Variants in ROCK2 observed in about 807,000 individuals in gnomAD.
ROCK2 encodes Rho associated coiled-coil containing protein kinase 2.
Under a neutral mutation model 195.1 loss-of-function variants are expected in ROCK2, and 61 were observed. The ratio of observed to expected loss-of-function variants is 0.31; its 90% confidence interval spans 0.25 to 0.39. The LOEUF (loss-of-function observed/expected upper bound fraction) is 0.39, where lower values mean the gene tolerates loss of function less well. Ranked by LOEUF, ROCK2 falls within the 10% of genes least tolerant of loss-of-function variation. ROCK2 has a pLI of 1.00. For synonymous variants in ROCK2, 504 were observed against 545.5 expected, an observed-to-expected ratio of 0.92 and a Z score of 1.06; for missense variants, 1,109 against 1,637.4, an observed-to-expected ratio of 0.68 and a Z score of 5.57.
At chr2:11,253,472 C>A (rs562872246) in intron 3 of ROCK2, among the ~76,000 whole-genome samples, 2 of 152,316 alleles carry the variant, frequency 1.3e-5, no homozygotes, top group African/African-American at 4.8e-5. Context: ...CTCTGACCAC[C>A]CTAACTGAAC....
At chr2:11,257,025 G>A (rs1666060130) in intron 3 of ROCK2, among the ~76,000 whole-genome samples, 1 of 151,374 alleles carries the variant, frequency 6.6e-6, no homozygotes, top group African/African-American at 2.5e-5. Flanking sequence ...CAAAACATCA[G>A]TATGGATATA....
At chr2:11,274,443 A>C (rs1666756424) in intron 3 of ROCK2, among the ~76,000 whole-genome samples, 1 of 152,204 alleles carries the variant, frequency 6.6e-6, no homozygotes, top group African/African-American at 2.4e-5. Flanking sequence ...ATTACTACCC[A>C]CTTTACGAAA....
chr2:11,295,990 GGAGAGAGAGAGAGAGGAGA>G (rs1378516341), intron 1 of ROCK2, among the ~76,000 whole-genome samples: 13 of 28,392 alleles, frequency 4.6e-4, no homozygotes, highest in Non-Finnish European at 1.2e-3. Flanking sequence ...GAGAGAGAGA[GGAGAGAGAGAGAGAGGAGA>G]GAGAGAGAGA....
intron 1 of ROCK2, among the ~76,000 whole-genome samples, chr2:11,296,008 GAGA>G (rs1558369895): frequency 2.8e-4 from 27 of 95,722 alleles, no homozygotes; most frequent in Middle Eastern, 5.0e-3. Flanking sequence ...AGAGAGAGGA[GAGA>G]GAGAGAGAGA....
chr2:11,281,671 T>C (rs962118785), intron 3 of ROCK2, among the ~76,000 whole-genome samples: 5 of 152,196 alleles, frequency 3.3e-5, no homozygotes, highest in African/African-American at 1.2e-4. Flanking sequence ...AAATTCTGTA[T>C]ATGAGCAATG....
chr2:11,317,627 T>TTTTTTTTTTTTTTTTTTA (rs1192587957), intron 1 of ROCK2, among the ~76,000 whole-genome samples: 1 of 31,444 alleles, frequency 3.2e-5, no homozygotes, highest in Non-Finnish European at 7.1e-5. Flanking sequence ...TTTTTTTTTT[T>TTTTTTTTTTTTTTTTTTA]AATTATACTT....
Position 11,218,554 on chromosome 2 carries a change from T to G in ROCK2, c.1321-88A>C, listed in dbSNP as rs565886171. On this transcript the variant is annotated intron_variant, in intron 10 of 32. Transcript: ENST00000315872. ...TCCTAAAACACAAACCATAACAAAA[T>G]TATCCAACCTAATGCTTTAGCTTTC... 1.5e-5 allele frequency: 14 copies of G among 905,400 alleles called. No individual in the cohort carries two copies. In the East Asian group the frequency reaches 2.6e-4, roughly 17 times the overall value. 56.1% of individuals were successfully genotyped at this position (905,400 alleles called of 1,614,324 possible).
At chr2:11,329,814 T>C (rs1384699659) in intron 1 of ROCK2, among the ~76,000 whole-genome samples, 3 of 152,226 alleles carry the variant, frequency 2.0e-5, no homozygotes, top group African/African-American at 7.2e-5. Flanking sequence ...CTTGCTTTTG[T>C]GATTAAATTC....
chr2:11,268,098 G>A (rs988614774), intron 3 of ROCK2, among the ~76,000 whole-genome samples: 3 of 151,962 alleles, frequency 2.0e-5, no homozygotes, highest in Admixed American at 1.3e-4. Flanking sequence ...AGAACACCAA[G>A]CAAACCACTG....
At chr2:11,274,380 T>TA (rs778251076) in intron 3 of ROCK2, among the ~76,000 whole-genome samples, 28 of 151,550 alleles carry the variant, frequency 1.8e-4, no homozygotes, top group Non-Finnish European at 1.6e-4. Context: ...GATGGACTAA[T>TA]TAAAAAAACA....
In ROCK2 at chr2:11,286,666, T is replaced by A. The variant is rs200987741; in HGVS notation, c.224-27A>T. 2.8e-5 allele frequency: 32 copies of A among 1,133,818 alleles called. No homozygotes were observed. The African/African-American group carries it at 4.0e-4, about 14-fold the overall frequency. The allele number at this position is 1,133,818 out of a possible 1,614,324, so 70.2% of individuals were successfully genotyped here. A position where few individuals can be genotyped will look rare whatever the true frequency, so the allele number is the denominator to read the frequency against. ...TACCATAAAAAGATCACCATACTTA[T>A]AATATCAATCATATTTATATTTTTA... On this transcript the variant is annotated intron_variant, in intron 2 of 32. Transcript: ENST00000315872.
chr2:11,198,011 T>TA (rs1461808258), intron 25 of ROCK2, among the ~76,000 whole-genome samples: 1 of 152,256 alleles, frequency 6.6e-6, no homozygotes, highest in Non-Finnish European at 1.5e-5. Flanking sequence ...AGAGAGACTT[T>TA]AATAGGCAGA....
rs554617534 is a variant in ROCK2, at chr2:11,216,042, T to C, written c.1461+116A>G. The C allele has an allele frequency of 5.0e-6, 4 of 794,800 alleles. No individual in the cohort carries two copies. In the South Asian group the frequency reaches 6.1e-5, roughly 12 times the overall value. 49.2% of individuals were successfully genotyped at this position (794,800 alleles called of 1,614,324 possible). A position where few individuals can be genotyped will look rare whatever the true frequency, so the allele number is the denominator to read the frequency against. On this transcript the variant is annotated intron_variant, in intron 13 of 32. Transcript: ENST00000315872. ...ATAATTTAGTCCTATCCACCAATAC[T>C]ACAAGGTAGGTTTCAAGGCACGTAT...
intron 3 of ROCK2, among the ~76,000 whole-genome samples, chr2:11,252,064 G>T (rs1364258585): frequency 1.3e-5 from 2 of 152,142 alleles, no homozygotes; most frequent in Non-Finnish European, 2.9e-5. Flanking sequence ...CTGTTGGTGG[G>T]AGCGTAAATT....
At chr2:11,188,790 A>AT (rs1488912626) in intron 32 of ROCK2, among the ~76,000 whole-genome samples, 7 of 151,332 alleles carry the variant, frequency 4.6e-5, no homozygotes, top group Admixed American at 3.9e-4. Context: ...CGCCCAGCTA[A>AT]TTTTTTGTAT....
At chr2:11,255,694 C>T (rs985503782) in intron 3 of ROCK2, among the ~76,000 whole-genome samples, 5 of 150,426 alleles carry the variant, frequency 3.3e-5, no homozygotes, top group South Asian at 2.1e-4. Flanking sequence ...CTGAGGTGAG[C>T]GGATCACTTG....
intron 1 of ROCK2, among the ~76,000 whole-genome samples, chr2:11,319,272 T>C (rs569634412): frequency 2.0e-5 from 3 of 152,220 alleles, no homozygotes; most frequent in African/African-American, 4.8e-5. Context: ...TATCCTCTTT[T>C]ATTTCGTTGA....
chr2:11,282,467 A>G (rs777951258), intron 3 of ROCK2, among the ~76,000 whole-genome samples: 2 of 152,206 alleles, frequency 1.3e-5, no homozygotes, highest in Non-Finnish European at 2.9e-5. Flanking sequence ...TGGTGAAAGA[A>G]AAGACAAATA....
intron 1 of ROCK2, among the ~76,000 whole-genome samples, chr2:11,292,888 TAGTG>T (rs1409669317): frequency 6.6e-6 from 1 of 152,156 alleles, no homozygotes; most frequent in Non-Finnish European, 1.5e-5. Flanking sequence ...GTTGTCATGA[TAGTG>T]AGTGAGTACT....
Sources: gnomAD v4.1 joint callset for allele counts (sites outside exome capture counted in the v4.1 genomes callset) on GRCh38, gnomAD v4.1.1 for gene constraint, MANE v1.5 for transcripts, NCBI Gene and HGNC (gene_info 2026-07-23, HGNC 2026-07-21) for gene names.